PAPSS2: variants seen among roughly 807,000 people sequenced by gnomAD.
PAPSS2 encodes the protein bifunctional 3'-phosphoadenosine 5'-phosphosulfate synthase 2.
Under a neutral mutation model 66.5 loss-of-function variants are expected in PAPSS2, and 61 were observed. The observed-to-expected ratio is 0.92, with a 90% CI of 0.75 to 1.14. The LOEUF (loss-of-function observed/expected upper bound fraction) is 1.14. Ranked by LOEUF, PAPSS2 falls within the 50% of genes most tolerant of loss-of-function variation. The pLI is 0.00. For missense variants in PAPSS2, 708 were observed against 789.6 expected (o/e 0.90, Z 1.24); for synonymous variants, 289 against 287.5 (o/e 1.01, Z -0.05).
intron 9 of PAPSS2, 101 bp downstream of exon 9, chr10:87,727,590 AT>A (rs1853676347): frequency 1.0e-6 from 1 of 980,878 alleles, no homozygotes; most frequent in Non-Finnish European, 1.6e-6. Context: ...AAAAACTGGG[AT>A]TAGGTGGAAG....
chr10:87,678,251 A>G lies in PAPSS2; in HGVS notation c.27+18243A>G, dbSNP rs140485707. Among the ~76,000 whole-genome samples, 346 of 152,286 alleles carry G rather than the reference A, an allele frequency of 2.3e-3. 4 individuals carry two copies. The highest frequency in any genetic ancestry group is 0.017 in the East Asian group (87 of 5,188). ...AAAATTGACGATCCATACACAGAAG[A>G]TTGAAACTGGACCCCTGTCTCTCAC... On this transcript the variant is annotated intron_variant, in intron 1 of 12. Transcript: ENST00000456849.
intron 1 of PAPSS2, among the ~76,000 whole-genome samples, chr10:87,693,501 T>C (rs1853196278): frequency 6.6e-6 from 1 of 152,228 alleles, no homozygotes. Flanking sequence ...ATAACACATA[T>C]TTTAATTAGC....
Position 87,734,679 on chromosome 10 carries a change from ATATATATATATATATATATATATATATG to A in PAPSS2, c.1087-6552_1087-6525del, listed in dbSNP as rs994952461. Among the ~76,000 whole-genome samples, 7 of 120,766 alleles carry A rather than the reference ATATATATATATATATATATATATATATG, an allele frequency of 5.8e-5. No homozygotes were observed. In the South Asian group the frequency reaches 7.9e-4, roughly 14 times the overall value. 79.2% of individuals were successfully genotyped at this position (120,766 alleles called of 152,430 possible). On this transcript the variant is annotated intron_variant, in intron 9 of 12. Coordinates refer to ENST00000456849, the MANE Select transcript of PAPSS2 (RefSeq NM_001015880.2). ...AATGTGTGTGTATATATATATATAT[ATATATATATATATATATATATATATATG>A]TATGTATTCTCCTCTTGTAGGCATT...
intron 1 of PAPSS2, among the ~76,000 whole-genome samples, chr10:87,704,380 C>T (rs368074803): frequency 6.6e-6 from 1 of 152,102 alleles, no homozygotes. Context: ...AACAAAGTTC[C>T]CCTAGAAGAT....
chr10:87,694,539 T>A (rs1274446503), intron 1 of PAPSS2, among the ~76,000 whole-genome samples: 5 of 152,032 alleles, frequency 3.3e-5, no homozygotes, highest in African/African-American at 1.2e-4. Flanking sequence ...AAGAGCTGAA[T>A]GAGAAAAGGT....
At chr10:87,712,953 T>G in intron 2 of PAPSS2, 122 bp from the exon 3 acceptor site, 1 of 676,360 alleles carries the variant, frequency 1.5e-6, no homozygotes, top group Non-Finnish European at 2.6e-6. Flanking sequence ...ACTACACTGA[T>G]TTCTTTCTTT....
intron 1 of PAPSS2, among the ~76,000 whole-genome samples, chr10:87,706,104 A>ATGTGTGTG (rs1440508568): frequency 6.4e-5 from 5 of 78,104 alleles, no homozygotes; most frequent in African/African-American, 3.4e-4. Flanking sequence ...ATATATATAT[A>ATGTGTGTG]TATATGTGTG....
chr10:87,716,946 C>T (rs949477374), intron 7 of PAPSS2, among the ~76,000 whole-genome samples: 2 of 152,186 alleles, frequency 1.3e-5, no homozygotes, highest in African/African-American at 4.8e-5. Flanking sequence ...CCCTAGAAAA[C>T]AGGCAGCAAT....
intron 1 of PAPSS2, among the ~76,000 whole-genome samples, chr10:87,699,573 T>C (rs1853276678): frequency 1.3e-5 from 2 of 152,204 alleles, no homozygotes; most frequent in Non-Finnish European, 1.5e-5. Context: ...AACCATTGTC[T>C]GGGAGCGGTG....
chr10:87,746,869 G>A lies in PAPSS2; in HGVS notation c.*899G>A, dbSNP rs1280607942. ...GGCACTAGAACTGGAAAAGACCACA[G>A]AAAACAAAGAATCCAACCCTTTCAT... is the stretch of plus-strand genomic sequence containing the variant. On this transcript the variant is annotated 3_prime_UTR_variant, in exon 13 of 13. Transcript: ENST00000456849. 1 of 152,210 alleles carries A rather than the reference G, an allele frequency of 6.6e-6. No homozygotes were observed. Among genetic ancestry groups the A allele is most frequent in the African/African-American group, 2.4e-5 (1 of 41,458 alleles). The allele number at this position is 152,210 out of a possible 1,614,324, so 9.4% of individuals were successfully genotyped here.
intron 2 of PAPSS2, among the ~76,000 whole-genome samples, chr10:87,711,780 C>A (rs1853464865): frequency 6.6e-6 from 1 of 152,156 alleles, no homozygotes; most frequent in Non-Finnish European, 1.5e-5. Flanking sequence ...GTCTGTCCTT[C>A]ATTCCTGCTT....
At chr10:87,699,983 T>A (rs1465055833) in intron 1 of PAPSS2, among the ~76,000 whole-genome samples, 1 of 152,098 alleles carries the variant, frequency 6.6e-6, no homozygotes, top group East Asian at 1.9e-4. Flanking sequence ...ATGATTATTA[T>A]CACTATTAGC....
At chr10:87,666,910 C>G (rs533879925) in intron 1 of PAPSS2, among the ~76,000 whole-genome samples, 1 of 152,072 alleles carries the variant, frequency 6.6e-6, no homozygotes, top group Non-Finnish European at 1.5e-5. Context: ...AGAAGCACAT[C>G]CAATGCCCTC....
chr10:87,721,180 T>A (rs953560780), intron 7 of PAPSS2, among the ~76,000 whole-genome samples: 1 of 152,336 alleles, frequency 6.6e-6, no homozygotes. Context: ...TTTGTCCACT[T>A]GAGAAAATAT....
chr10:87,706,132 GTGTGTGTGTA>G (rs1482529342), intron 1 of PAPSS2, among the ~76,000 whole-genome samples: 1 of 115,178 alleles, frequency 8.7e-6, no homozygotes, highest in Non-Finnish European at 1.8e-5. Context: ...GTGTGTGTGT[GTGTGTGTGTA>G]TATATATACC....
intron 9 of PAPSS2, among the ~76,000 whole-genome samples, chr10:87,739,605 A>AACTG (rs1853842582): frequency 6.6e-6 from 1 of 152,224 alleles, no homozygotes; most frequent in Non-Finnish European, 1.5e-5. Flanking sequence ...TGGCTTACAA[A>AACTG]ACTGAGGGTC....
chr10:87,724,909 T>C (rs1853641277), intron 8 of PAPSS2, among the ~76,000 whole-genome samples: 1 of 110,228 alleles, frequency 9.1e-6, no homozygotes, highest in Non-Finnish European at 1.8e-5. Flanking sequence ...TTTTAAGGAA[T>C]TGGTTCGTGT....
intron 1 of PAPSS2, among the ~76,000 whole-genome samples, chr10:87,670,241 G>T (rs1852859611): frequency 6.6e-6 from 1 of 152,316 alleles, no homozygotes. Flanking sequence ...TCCACTAGCT[G>T]CAATACTTGA....
chr10:87,713,331 A>AAAAAT, intron 3 of PAPSS2, 21 bp downstream of exon 3: 1 of 1,357,694 alleles, frequency 7.4e-7, no homozygotes, highest in Non-Finnish European at 1.0e-6. Context: ...AAAAAAAAAA[A>AAAAAT]AAAGGCACTA....
Sources: allele counts gnomAD v4.1 joint callset (sites outside exome capture counted in the v4.1 genomes callset), GRCh38; gene constraint gnomAD v4.1.1; transcripts MANE v1.5; gene names NCBI Gene and HGNC (gene_info 2026-07-23, HGNC 2026-07-21).